The following SETD6 variants were observed in gnomAD, a reference collection of about 807,000 sequenced individuals.
The protein encoded by SETD6 is SET domain containing 6, protein lysine methyltransferase.
A neutral mutation model predicts 52.7 loss-of-function variants in SETD6; 67 were observed. The ratio of observed to expected loss-of-function variants is 1.27; its 90% CI spans 1.04 to 1.56. SETD6 has a LOEUF of 1.56. SETD6 is among the 40% of genes most tolerant of loss of function. The pLI is 0.00. For synonymous variants in SETD6, 307 were observed against 250.2 expected (o/e 1.23, Z -2.14); for missense variants, 712 against 607.5 (o/e 1.17, Z -1.81).
intron 4 of SETD6, 44 bp from the exon 5 acceptor site, chr16:58,516,764 C>T (rs758089903): frequency 6.2e-7 from 1 of 1,612,768 alleles, no homozygotes; most frequent in Non-Finnish European, 8.5e-7. Flanking sequence ...CACCCCCAGT[C>T]CCTCACCCAA....
Position 58,523,608 on chromosome 16 carries a change from A to G in SETD6, c.*4579A>G. 9.5e-7 allele frequency: 1 copy of G among 1,054,382 alleles called. No individual in the cohort carries two copies. Among genetic ancestry groups the G allele is most frequent in the Admixed American group, 2.3e-5 (1 of 43,532 alleles). 65.3% of individuals were successfully genotyped at this position (1,054,382 alleles called of 1,614,324 possible). A position where few individuals can be genotyped will look rare whatever the true frequency, so the allele number is the denominator to read the frequency against. On this transcript the variant is annotated 3_prime_UTR_variant, in exon 8 of 8. Transcript: ENST00000219315. ...GTTTCTGACAGAGGCTTTCAAATTA[A>G]TCTTTGGTTTAAAGCAGTGGTTCTT...
rs760060829 is a variant in SETD6 at position 58,516,244 on chromosome 16, T to G, written c.377T>G (p.Leu126Arg). The G allele has an allele frequency of 6.3e-7, 1 of 1,598,794 alleles. No homozygotes were observed. The highest frequency in any genetic ancestry group is 8.5e-7 in the Non-Finnish European group (1 of 1,179,496). ...LQSQSGWVPL[L>R]LALLHELQAP... Reference sequence around the variant, plus strand: ...AGCCAGTCGGGCTGGGTGCCACTGCTGCTGGCGCTGCTCCACGAGCTGCAG... The same window carrying G: ...AGCCAGTCGGGCTGGGTGCCACTGCGGCTGGCGCTGCTCCACGAGCTGCAG... Residue 126 changes from leucine to arginine, a missense_variant, in exon 3 of 8, where the codon CTG becomes CGG. Physicochemically the swap from Leu to Arg is moderately radical, Grantham distance 102. Coordinates refer to ENST00000219315, the MANE Select transcript of SETD6 (RefSeq NM_001160305.4).
At chr16:58,515,750 C>T (rs949147625) in intron 1 of SETD6, 41 bp from the exon 2 acceptor site, 5 of 1,429,612 alleles carry the variant, frequency 3.5e-6, no homozygotes, top group South Asian at 3.0e-5. Context: ...CCAGCGGCCT[C>T]TCTGGGGGTC....
Position 58,516,199 on chromosome 16 carries a change from C to T in SETD6, c.335-3C>T. The T allele has an allele frequency of 6.3e-7, 1 of 1,582,620 alleles. No homozygotes were observed. Among genetic ancestry groups the T allele is most frequent in the East Asian group, 2.2e-5 (1 of 44,526 alleles). ...GGGGCGCTCACACCTGTGTCTTCCTCAGAGCGAGTTGCGCTGCAGAGCCAG... is the reference window on the plus strand; with the variant it reads ...GGGGCGCTCACACCTGTGTCTTCCTTAGAGCGAGTTGCGCTGCAGAGCCAG... On this transcript the variant is annotated splice_polypyrimidine_tract_variant and splice_region_variant and intron_variant, in intron 2 of 7. Coordinates refer to ENST00000219315, the MANE Select transcript of SETD6 (RefSeq NM_001160305.4).
intron 2 of SETD6, 21 bp downstream of exon 2, chr16:58,516,118 G>C: frequency 8.2e-7 from 1 of 1,225,394 alleles, no homozygotes; most frequent in Non-Finnish European, 1.0e-6. Flanking sequence ...CGGCGGGCTA[G>C]GGCCCTGGGG....
At chr16:58,516,742 A>C in intron 4 of SETD6, 66 bp from the exon 5 acceptor site, 2 of 1,609,938 alleles carry the variant, frequency 1.2e-6, no homozygotes, top group Non-Finnish European at 1.7e-6. Flanking sequence ...AAAGTGGAAA[A>C]ACAGTGAAAT....
At position 58,518,973 on chromosome 16, in the gene SETD6, C is replaced by T. The variant is rs775892058; in HGVS notation, c.1366C>T (p.Gln456Ter). 3 of 1,614,018 alleles carry T rather than the reference C, an allele frequency of 1.9e-6. No homozygotes were observed. The highest frequency in any genetic ancestry group is 1.7e-5 in the Admixed American group (1 of 60,004). ...CAGCTGGAGGGAACAGCAAGCCTTA[C>T]AGGTTCGCTATGGTCAGAAGATGAT... ...KLSWREQQAL[Q>*]VRYGQKMILH... The change falls in exon 8 of 8, where the codon CAG (glutamine) becomes TAG (stop). Residue 456 changes from glutamine to a stop codon, truncating the protein, a stop_gained. Transcript: ENST00000219315. LOFTEE classifies it high-confidence loss of function.
chr16:58,517,001 C>G (rs750242019), intron 5 of SETD6, 73 bp downstream of exon 5: 1 of 1,608,486 alleles, frequency 6.2e-7, no homozygotes, highest in South Asian at 1.1e-5. Context: ...CATTCTCTTA[C>G]TAGTGCTACA....
chr16:58,515,509 C>T (rs374251928), upstream of SETD6: 1 of 1,575,020 alleles, frequency 6.3e-7, no homozygotes, highest in South Asian at 1.2e-5. Flanking sequence ...CGCGGTGCGC[C>T]GGCCCGCGAG....
rs749359920 is a variant in SETD6 at position 58,518,050 on chromosome 16, G to A, written c.793-1G>A. 1 of 1,614,146 alleles carries A rather than the reference G, an allele frequency of 6.2e-7. No individual in the cohort carries two copies. Among genetic ancestry groups the A allele is most frequent in the South Asian group, 1.1e-5 (1 of 91,078 alleles). ...GCCCCAGCTTCTCCCTTTCACCTCA[G>A]AATTGTCTTCGGATGGTAGCCACTC... On this transcript the variant is annotated splice_acceptor_variant, in intron 5 of 7. Coordinates refer to ENST00000219315, the MANE Select transcript of SETD6 (RefSeq NM_001160305.4). LOFTEE classifies it high-confidence loss of function.
chr16:58,518,165 T>TA lies in SETD6; in HGVS notation c.908dup (p.Tyr303Ter). The TA allele has an allele frequency of 6.2e-7, 1 of 1,614,234 alleles. No homozygotes were observed. The highest frequency in any genetic ancestry group is 8.5e-7 in the Non-Finnish European group (1 of 1,180,046). ...LIHMYGFVEP[Y>*]PDNTDDTADI... ...TCATATGTACGGTTTTGTTGAACCA[T>TA]ATCCTGACAACACAGATGACACAGC... The change falls in exon 6 of 8, where the codon TAT becomes TAAT. Residue 303 changes from tyrosine to a stop codon, truncating the protein, a stop_gained and frameshift_variant. Coordinates refer to ENST00000219315, the MANE Select transcript of SETD6 (RefSeq NM_001160305.4). LOFTEE classifies it high-confidence loss of function.
At chr16:58,517,901 G>A in intron 5 of SETD6, 150 bp from the exon 6 acceptor site, 1 of 903,216 alleles carries the variant, frequency 1.1e-6, no homozygotes, top group Non-Finnish European at 1.7e-6. Flanking sequence ...CACAGTTTAG[G>A]GTCTAACAGG....
rs917820725 is a variant in SETD6 at position 58,519,996 on chromosome 16, CAAG to C, written c.*971_*973del. The C allele has an allele frequency of 5.3e-5, 8 of 152,148 alleles. No homozygotes were observed. Among genetic ancestry groups the C allele is most frequent in the African/African-American group, 1.7e-4 (7 of 41,408 alleles). The allele number at this position is 152,148 out of a possible 1,614,324, so 9.4% of individuals were successfully genotyped here. On this transcript the variant is annotated 3_prime_UTR_variant, in exon 8 of 8. Transcript: ENST00000219315. ...GTTAGCTACAGTATGCATACACATACAAGAAGTAGGGGAGCTGAAGCCCAGGAA... is the reference window on the plus strand; with the variant it reads ...GTTAGCTACAGTATGCATACACATACAAGTAGGGGAGCTGAAGCCCAGGAA...
chr16:58,516,697 C>CG (rs1567375657), intron 4 of SETD6, 25 bp downstream of exon 4: 2 of 1,609,792 alleles, frequency 1.2e-6, no homozygotes, highest in Admixed American at 1.7e-5. Context: ...CCTCTGAGGA[C>CG]GGAACCCTTT....
chr16:58,523,332 T>C lies in SETD6; in HGVS notation c.*4303T>C. The stretch of plus-strand genomic sequence containing the variant: ...AAAAAAAAAGATGAAAGGGAGGAGA[T>C]CCTTTTGAAGCATTTAAAAAATAAG... On this transcript the variant is annotated 3_prime_UTR_variant, in exon 8 of 8. Transcript: ENST00000219315. The C allele has an allele frequency of 1.3e-6, 2 of 1,529,508 alleles. No individual in the cohort carries two copies. The highest frequency in any genetic ancestry group is 1.8e-6 in the Non-Finnish European group (2 of 1,135,232). The allele number at this position is 1,529,508 out of a possible 1,614,324, so 94.7% of individuals were successfully genotyped here.
intron 6 of SETD6, 63 bp from the exon 7 acceptor site, chr16:58,518,338 A>G: frequency 6.3e-7 from 1 of 1,588,578 alleles, no homozygotes; most frequent in Non-Finnish European, 8.6e-7. Context: ...ACTGGGTGGC[A>G]GACTAAAGAA....
In SETD6 at chr16:58,518,884, C is replaced by T. The variant is rs1318505855; in HGVS notation, c.1277C>T (p.Thr426Ile). 14 of 1,614,030 alleles carry T rather than the reference C, an allele frequency of 8.7e-6. No individual in the cohort carries two copies. Among genetic ancestry groups the T allele is most frequent in the Non-Finnish European group, 1.2e-5 (14 of 1,180,042 alleles). Reference sequence around the variant, plus strand: ...AACAGTGTTCTACTGACTTTGCAGACCTATGCCACAGACTTAAAAACTGAC... The same window carrying T: ...AACAGTGTTCTACTGACTTTGCAGATCTATGCCACAGACTTAAAAACTGAC... Reference protein sequence around the residue: ...LQNSVLLTLQTYATDLKTDQG... With the variant: ...LQNSVLLTLQIYATDLKTDQG... The change falls in exon 8 of 8, where the codon ACC becomes ATC. Residue 426 changes from threonine (T) to isoleucine (I), a missense_variant. Transcript: ENST00000219315.
chr16:58,518,792 G>T lies in SETD6; in HGVS notation c.1185G>T (p.Arg395Ser). Reference protein sequence around the residue: ...KDQDGGGDDKREEGSLTITNI... With the variant: ...KDQDGGGDDKSEEGSLTITNI... The stretch of plus-strand genomic sequence containing the variant: ...AGGATGGAGGGGGAGATGATAAAAG[G>T]GAAGAGGGCAGCCTGACGATCACAA... The change falls in exon 8 of 8, where the codon AGG becomes AGT. Residue 395 changes from arginine to serine, a missense_variant. Arg to Ser is a moderately radical substitution (Grantham distance 110). Coordinates refer to ENST00000219315, the MANE Select transcript of SETD6 (RefSeq NM_001160305.4). 1 of 1,614,170 alleles carries T rather than the reference G, an allele frequency of 6.2e-7. No homozygotes were observed. Among genetic ancestry groups the T allele is most frequent in the Non-Finnish European group, 8.5e-7 (1 of 1,180,034 alleles).
intron 6 of SETD6, 42 bp downstream of exon 6, chr16:58,518,273 T>G (rs187128935): frequency 5.6e-5 from 91 of 1,610,954 alleles, no homozygotes; most frequent in African/African-American, 5.3e-4. Flanking sequence ...TGATGGTGTG[T>G]CTATACCCAT....
Sources: allele counts gnomAD v4.1 joint callset, GRCh38; gene constraint gnomAD v4.1.1; transcripts MANE v1.5; gene names NCBI Gene and HGNC (gene_info 2026-07-23, HGNC 2026-07-21).